The following RBFOX1 variants were observed in gnomAD, a reference collection of about 807,000 sequenced individuals.
The protein encoded by RBFOX1 is RNA binding protein fox-1 homolog 1.
In RBFOX1, 8 loss-of-function variants were observed where a neutral mutation model predicts 57.7. That is an observed-to-expected ratio of 0.14 (90% CI 0.08 to 0.25). The LOEUF is 0.25. Ranked by LOEUF, RBFOX1 falls within the 10% of genes least tolerant of loss-of-function variation. The pLI, the probability that RBFOX1 is intolerant of heterozygous loss-of-function variation, is 1.00. For missense variants in RBFOX1, 611 were observed against 548.5 expected, an observed-to-expected ratio of 1.11 and a Z score of -1.14; for synonymous variants, 326 against 222.4, an observed-to-expected ratio of 1.47 and a Z score of -4.15.
chr16:5,427,635 G>T (rs1375912371), intron 1 of RBFOX1, among the ~76,000 whole-genome samples: 1 of 150,180 alleles, frequency 6.7e-6, no homozygotes, highest in African/African-American at 2.5e-5. Flanking sequence ...AAATCACCCT[G>T]CAAGGTAGTT....
intron 4 of RBFOX1, among the ~76,000 whole-genome samples, chr16:7,063,197 G>A (rs1396138349): frequency 6.6e-6 from 1 of 151,794 alleles, no homozygotes; most frequent in Non-Finnish European, 1.5e-5. Context: ...CATCTTTTTG[G>A]GTCAGTTCTC....
chr16:5,815,278 G>A (rs2055592470), intron 3 of RBFOX1, among the ~76,000 whole-genome samples: 1 of 150,764 alleles, frequency 6.6e-6, no homozygotes, highest in African/African-American at 2.4e-5. Flanking sequence ...ACAGGTGTGA[G>A]CCATCGTGCC....
At chr16:5,970,025 T>C (rs1028577650) in intron 4 of RBFOX1, among the ~76,000 whole-genome samples, 6 of 152,094 alleles carry the variant, frequency 3.9e-5, no homozygotes, top group African/African-American at 1.4e-4. Flanking sequence ...CTCTTCCTAG[T>C]TCAGCTGCTG....
chr16:6,610,324 G>A (rs1442763645), intron 2 of RBFOX1, among the ~76,000 whole-genome samples: 1 of 148,930 alleles, frequency 6.7e-6, no homozygotes, highest in Non-Finnish European at 1.5e-5. Context: ...GGGAAACATT[G>A]ACATTCTTAT....
At chr16:5,854,922 A>G (rs1484543870) in intron 3 of RBFOX1, among the ~76,000 whole-genome samples, 1 of 152,160 alleles carries the variant, frequency 6.6e-6, no homozygotes, top group Non-Finnish European at 1.5e-5. Context: ...CCAGCCTAAC[A>G]AGTGTGAGGT....
intron 4 of RBFOX1, among the ~76,000 whole-genome samples, chr16:7,230,297 T>A (rs1603403902): frequency 6.6e-6 from 1 of 152,230 alleles, no homozygotes; most frequent in South Asian, 2.1e-4. Flanking sequence ...CGTTGTCTAG[T>A]GGACAAGGCA....
chr16:7,460,367 C>CAAAAAAA (rs201733820), intron 4 of RBFOX1, among the ~76,000 whole-genome samples: 1 of 46,694 alleles, frequency 2.1e-5, no homozygotes, highest in Admixed American at 2.8e-4. Flanking sequence ...AATCATTTAG[C>CAAAAAAA]AAAATATATA....
Position 6,584,865 on chromosome 16 carries a change from CA to C in RBFOX1, c.-63-69732del, listed in dbSNP as rs1431500190. Among the ~76,000 whole-genome samples the C allele has an allele frequency of 4.6e-5, 7 of 152,226 alleles. No homozygotes were observed. The South Asian group carries it at 1.5e-3, about 32-fold the overall frequency. ...GTCTCATGCTGAGCTATTGTTTCAACAAAAAATGAGATGTCTGGTCATGTTC... is the reference window on the plus strand; with the variant it reads ...GTCTCATGCTGAGCTATTGTTTCAACAAAAATGAGATGTCTGGTCATGTTC... On this transcript the variant is annotated intron_variant, in intron 2 of 15. Transcript: ENST00000550418.
chr16:5,520,333 G>C (rs953590554), intron 2 of RBFOX1, among the ~76,000 whole-genome samples: 1 of 152,206 alleles, frequency 6.6e-6, no homozygotes, highest in African/African-American at 2.4e-5. Context: ...TTGAAGTCCA[G>C]CAATAAGGAA....
At chr16:7,395,223 G>T (rs1290247925) in intron 4 of RBFOX1, among the ~76,000 whole-genome samples, 6 of 148,736 alleles carry the variant, frequency 4.0e-5, no homozygotes, top group Non-Finnish European at 8.9e-5. Context: ...TAGATGCATT[G>T]TTCAAATTAC....
intron 3 of RBFOX1, among the ~76,000 whole-genome samples, chr16:7,015,232 A>G (rs1006399970): frequency 2.6e-5 from 4 of 152,182 alleles, no homozygotes; most frequent in African/African-American, 7.2e-5. Context: ...CATTAGTATC[A>G]TTATAGGCGC....
chr16:6,635,098 T>A (rs2098421216), intron 2 of RBFOX1, among the ~76,000 whole-genome samples: 1 of 93,414 alleles, frequency 1.1e-5, no homozygotes, highest in South Asian at 2.8e-4. Flanking sequence ...ATATATATTA[T>A]ATATAAAGTA....
intron 4 of RBFOX1, among the ~76,000 whole-genome samples, chr16:7,492,479 A>G (rs905110859): frequency 5.9e-5 from 9 of 152,242 alleles, no homozygotes; most frequent in Admixed American, 5.9e-4. Flanking sequence ...CACCTACCCT[A>G]GAACTGTCCT....
chr16:7,394,503 C>G (rs1479037147), intron 4 of RBFOX1, among the ~76,000 whole-genome samples: 1 of 152,062 alleles, frequency 6.6e-6, no homozygotes, highest in African/African-American at 2.4e-5. Context: ...ACCCCCACAC[C>G]TTTAGATGCA....
chr16:5,558,028 G>T (rs2045745473), intron 2 of RBFOX1, among the ~76,000 whole-genome samples: 1 of 152,166 alleles, frequency 6.6e-6, no homozygotes, highest in African/African-American at 2.4e-5. Flanking sequence ...CCCAACTCCG[G>T]GGGAGGACTG....
At chr16:7,320,510 G>T (rs1007997185) in intron 4 of RBFOX1, among the ~76,000 whole-genome samples, 1 of 152,138 alleles carries the variant, frequency 6.6e-6, no homozygotes, top group Non-Finnish European at 1.5e-5. Context: ...CCATGTCTTT[G>T]CTATTGTGAT....
intron 3 of RBFOX1, among the ~76,000 whole-genome samples, chr16:5,798,529 T>G (rs2054952945): frequency 1.3e-5 from 2 of 152,120 alleles, no homozygotes; most frequent in African/African-American, 4.8e-5. Flanking sequence ...TGGTAGAACT[T>G]TAAACAGTTG....
intron 2 of RBFOX1, among the ~76,000 whole-genome samples, chr16:6,379,349 C>T (rs1000967785): frequency 6.6e-6 from 1 of 152,096 alleles, no homozygotes; most frequent in Non-Finnish European, 1.5e-5. Flanking sequence ...CCACACATCC[C>T]AGTTAGCCAG....
chr16:5,620,917 T>G (rs1236772659), intron 3 of RBFOX1, among the ~76,000 whole-genome samples: 3 of 151,470 alleles, frequency 2.0e-5, no homozygotes, highest in African/African-American at 7.3e-5. Context: ...CTCGGCTCAC[T>G]GCAAGTTCCG....
Sources: gnomAD v4.1 joint callset for allele counts (sites outside exome capture counted in the v4.1 genomes callset) on GRCh38, gnomAD v4.1.1 for gene constraint, MANE v1.5 for transcripts, NCBI Gene and HGNC (gene_info 2026-07-23, HGNC 2026-07-21) for gene names.